MSH3: variants seen among roughly 807,000 people sequenced by gnomAD.
MSH3 encodes DNA mismatch repair protein Msh3.
A neutral mutation model predicts 123.3 loss-of-function variants in MSH3; 106 were observed. The observed-to-expected ratio is 0.86, with a 90% CI of 0.73 to 1.01. The LOEUF (loss-of-function observed/expected upper bound fraction) is 1.01. Among genes scored for constraint, MSH3 ranks in the 50% least tolerant of loss-of-function variants. The pLI is 0.00. For synonymous variants in MSH3, 515 were observed against 481.4 expected (o/e 1.07, Z -0.91); for missense variants, 1,459 against 1,347.6 (o/e 1.08, Z -1.29).
intron 17 of MSH3, among the ~76,000 whole-genome samples, chr5:80,780,615 C>A (rs1273687246): frequency 6.6e-6 from 1 of 152,144 alleles, no homozygotes; most frequent in Non-Finnish European, 1.5e-5. Context: ...ACCTGTAATC[C>A]CAGCAGTTTG....
At chr5:80,679,956 T>C (rs1468984987) in intron 8 of MSH3, among the ~76,000 whole-genome samples, 1 of 151,984 alleles carries the variant, frequency 6.6e-6, no homozygotes, top group Non-Finnish European at 1.5e-5. Context: ...ATGTAGTAGG[T>C]AGACAAATCA....
At chr5:80,845,185 T>C (rs1745698522) in intron 20 of MSH3, among the ~76,000 whole-genome samples, 2 of 152,196 alleles carry the variant, frequency 1.3e-5, no homozygotes, top group Non-Finnish European at 2.9e-5. Context: ...GATATGAGAT[T>C]CTGGGTTGAA....
chr5:80,733,066 T>A (rs1461497059), intron 10 of MSH3, among the ~76,000 whole-genome samples: 2 of 152,080 alleles, frequency 1.3e-5, no homozygotes, highest in Non-Finnish European at 2.9e-5. Flanking sequence ...CAAAACTTAC[T>A]ACAAAGTGAG....
chr5:80,783,711 G>A (rs553679710), intron 17 of MSH3, among the ~76,000 whole-genome samples: 1 of 152,200 alleles, frequency 6.6e-6, no homozygotes, highest in East Asian at 1.9e-4. Flanking sequence ...GACCTGAGAA[G>A]GAAGGAAAGA....
intron 19 of MSH3, among the ~76,000 whole-genome samples, chr5:80,812,674 T>A (rs1745029374): frequency 6.7e-6 from 1 of 150,024 alleles, no homozygotes; most frequent in African/African-American, 2.5e-5. Flanking sequence ...CTCCACCTGC[T>A]GGATTCAAGT....
At chr5:80,720,611 C>A (rs1045897100) in intron 8 of MSH3, among the ~76,000 whole-genome samples, 1 of 151,992 alleles carries the variant, frequency 6.6e-6, no homozygotes, top group Non-Finnish European at 1.5e-5. Context: ...TTTTCTAAAT[C>A]CAATTTGTTT....
intron 12 of MSH3, among the ~76,000 whole-genome samples, chr5:80,749,034 TA>T (rs897303113): frequency 1.3e-5 from 2 of 152,180 alleles, no homozygotes; most frequent in African/African-American, 2.4e-5. Flanking sequence ...ATTTTTTAAT[TA>T]AAAAAATTTG....
At chr5:80,835,463 T>TA (rs1329515394) in intron 20 of MSH3, among the ~76,000 whole-genome samples, 5 of 151,274 alleles carry the variant, frequency 3.3e-5, no homozygotes, top group African/African-American at 1.2e-4. Context: ...AAGCGGAAGG[T>TA]AAAAAAATAA....
At chr5:80,758,177 G>GTTGT (rs1743962019) in intron 12 of MSH3, among the ~76,000 whole-genome samples, 1 of 152,110 alleles carries the variant, frequency 6.6e-6, no homozygotes, top group African/African-American at 2.4e-5. Context: ...ATTCCCACTT[G>GTTGT]TTGTTCACTT....
At chr5:80,869,052 A>G (rs1032775144) in intron 22 of MSH3, among the ~76,000 whole-genome samples, 2 of 152,162 alleles carry the variant, frequency 1.3e-5, no homozygotes, top group African/African-American at 4.8e-5. Flanking sequence ...CTATGATGTG[A>G]TAGGTAAAAC....
intron 20 of MSH3, among the ~76,000 whole-genome samples, chr5:80,832,907 C>T (rs1002755212): frequency 5.9e-5 from 9 of 152,020 alleles, no homozygotes; most frequent in African/African-American, 2.2e-4. Context: ...CTAGCATTTT[C>T]CTTGCAAAAG....
intron 8 of MSH3, among the ~76,000 whole-genome samples, chr5:80,703,929 G>T (rs1446189760): frequency 6.6e-6 from 1 of 152,090 alleles, no homozygotes; most frequent in East Asian, 1.9e-4. Context: ...GGGCCAGGAA[G>T]CACGTGTCTG....
rs957285874 is a variant in MSH3 at position 80,665,450 on chromosome 5, A to G, written c.579+87A>G. 16 of 1,007,934 alleles carry G rather than the reference A, an allele frequency of 1.6e-5. No individual in the cohort carries two copies. In the Admixed American group the frequency reaches 2.8e-4, roughly 18 times the overall value. The allele number at this position is 1,007,934 out of a possible 1,614,324, so 62.4% of individuals were successfully genotyped here. On this transcript the variant is annotated intron_variant, in intron 3 of 23. Coordinates refer to ENST00000265081, the MANE Select transcript of MSH3 (RefSeq NM_002439.5). ...AGGTTCTCTGAGGTCATTCATGGCA[A>G]TGGTTCCTAAACTTGGATGGTCTTC...
intron 16 of MSH3, 137 bp from the exon 17 acceptor site, chr5:80,778,583 A>G (rs1267697286): frequency 8.7e-6 from 6 of 691,442 alleles, no homozygotes; most frequent in Middle Eastern, 5.4e-4. Flanking sequence ...ACCATAATTA[A>G]AGAATGTTCT....
chr5:80,706,816 T>G (rs1021226552), intron 8 of MSH3, among the ~76,000 whole-genome samples: 4 of 152,314 alleles, frequency 2.6e-5, no homozygotes, highest in South Asian at 2.1e-4. Flanking sequence ...TAGAAAATCT[T>G]TAGGTATAAA....
At chr5:80,731,675 G>A (rs1208866379) in intron 10 of MSH3, among the ~76,000 whole-genome samples, 3 of 152,098 alleles carry the variant, frequency 2.0e-5, no homozygotes, top group Non-Finnish European at 4.4e-5. Context: ...GCTTAAAAAC[G>A]AAATGTGGTG....
intron 9 of MSH3, 124 bp downstream of exon 9, chr5:80,725,689 C>T (rs1743283004): frequency 2.7e-6 from 2 of 735,740 alleles, no homozygotes; most frequent in East Asian, 5.6e-5. Flanking sequence ...AAGAAGAGCT[C>T]ACTGTTGTTG....
intron 8 of MSH3, among the ~76,000 whole-genome samples, chr5:80,689,699 A>G (rs781189538): frequency 2.0e-5 from 3 of 151,796 alleles, no homozygotes; most frequent in Non-Finnish European, 4.4e-5. Flanking sequence ...ATATATCCCC[A>G]ACGGAAGACC....
chr5:80,679,824 G>A lies in MSH3; in HGVS notation c.1340+731G>A, dbSNP rs568943603. Among the ~76,000 whole-genome samples, 15 of 152,330 alleles carry A rather than the reference G, an allele frequency of 9.8e-5. No individual in the cohort carries two copies. In the East Asian group the frequency reaches 2.5e-3, roughly 25 times the overall value. Reference sequence around the variant, plus strand: ...GAAGGTGCCTTGTTGGAAAGACTCCGTACTGCCACCTGGAGTGTGGTGGGA... The same window carrying A: ...GAAGGTGCCTTGTTGGAAAGACTCCATACTGCCACCTGGAGTGTGGTGGGA... On this transcript the variant is annotated intron_variant, in intron 8 of 23. Coordinates refer to ENST00000265081, the MANE Select transcript of MSH3 (RefSeq NM_002439.5).
Sources: allele counts gnomAD v4.1 joint callset (sites outside exome capture counted in the v4.1 genomes callset), GRCh38; gene constraint gnomAD v4.1.1; transcripts MANE v1.5; gene names NCBI Gene and HGNC (gene_info 2026-07-23, HGNC 2026-07-21).